Variants in PMFBP1 observed in about 807,000 individuals in gnomAD.
The protein encoded by PMFBP1 is polyamine modulated factor 1 binding protein 1.
PMFBP1 carries 131 observed loss-of-function variants against 137.8 expected under a neutral mutation model. The ratio of observed to expected loss-of-function variants is 0.95; its 90% CI spans 0.82 to 1.10. PMFBP1 has a LOEUF of 1.10. Among genes scored for constraint, PMFBP1 ranks in the 50% least tolerant of loss-of-function variants. The pLI is 0.00. For synonymous variants in PMFBP1, 490 were observed against 450.4 expected (o/e 1.09, Z -1.11); for missense variants, 1,199 against 1,175.4 (o/e 1.02, Z -0.29).
chr16:72,150,864 T>C (rs1462065479), intron 4 of PMFBP1, 35 bp from the exon 5 acceptor site: 3 of 1,566,840 alleles, frequency 1.9e-6, no homozygotes, highest in East Asian at 2.2e-5. Flanking sequence ...ATTGAGCCCA[T>C]GGAAGCACGT....
intron 9 of PMFBP1, 114 bp from the exon 10 acceptor site, chr16:72,133,105 G>T: frequency 1.6e-6 from 2 of 1,268,588 alleles, no homozygotes; most frequent in Non-Finnish European, 2.2e-6. Context: ...CCTGGACATT[G>T]CACGAACCTC....
the PMFBP1 span, chr16:72,224,876 G>T: frequency 6.6e-6 from 1 of 152,108 alleles, no homozygotes; most frequent in African/African-American, 2.4e-5. Context: ...ATATGAACAA[G>T]GCCTTGTTTG....
the PMFBP1 span, among the ~76,000 whole-genome samples, chr16:72,185,738 C>A: frequency 6.6e-6 from 1 of 152,138 alleles, no homozygotes; most frequent in Non-Finnish European, 1.5e-5. Context: ...ATAACTGGCA[C>A]ATAGTGGATG....
the PMFBP1 span, among the ~76,000 whole-genome samples, chr16:72,242,649 G>A: frequency 3.3e-5 from 5 of 152,104 alleles, no homozygotes; most frequent in Admixed American, 1.3e-4. Flanking sequence ...AACTGTTTCC[G>A]AACTAGAACG....
At chr16:72,237,432 T>C in the PMFBP1 span, among the ~76,000 whole-genome samples, 2 of 152,072 alleles carry the variant, frequency 1.3e-5, no homozygotes, top group African/African-American at 4.8e-5. Context: ...TTGTCTCAAA[T>C]AGTCACATTA....
At chr16:72,128,242 C>T (rs982183930) in intron 14 of PMFBP1, 7 of 551,098 alleles carry the variant, frequency 1.3e-5, no homozygotes, top group Admixed American at 4.0e-5. Context: ...ATGTCAGATG[C>T]TATTTACTCC....
chr16:72,194,704 T>G, the PMFBP1 span, among the ~76,000 whole-genome samples: 1 of 152,170 alleles, frequency 6.6e-6, no homozygotes, highest in Non-Finnish European at 1.5e-5. Context: ...GTTCATGCTT[T>G]GGGCAGGATA....
chr16:72,171,170 T>G (rs773616312), intron 2 of PMFBP1, 27 bp downstream of exon 2: 1 of 1,609,214 alleles, frequency 6.2e-7, no homozygotes. Flanking sequence ...TTCAACTCCA[T>G]GCATGTAGAG....
At chr16:72,209,724 C>T in the PMFBP1 span, among the ~76,000 whole-genome samples, 7 of 152,102 alleles carry the variant, frequency 4.6e-5, no homozygotes, top group Non-Finnish European at 8.8e-5. Flanking sequence ...AAATACAAGA[C>T]ATAATATTGA....
At chr16:72,174,873 A>T (rs2043252157), upstream of PMFBP1, among the ~76,000 whole-genome samples, 2 of 152,324 alleles carry the variant, frequency 1.3e-5, no homozygotes, top group East Asian at 1.9e-4. Flanking sequence ...ATTACAATTC[A>T]AGATGACACA....
the PMFBP1 span, among the ~76,000 whole-genome samples, chr16:72,246,834 T>C: frequency 1.3e-5 from 2 of 152,030 alleles, no homozygotes; most frequent in African/African-American, 4.8e-5. Context: ...ACTCTAAATA[T>C]ACAAGGAAGG....
chr16:72,134,663 T>C (rs1314600237), intron 9 of PMFBP1, among the ~76,000 whole-genome samples: 2 of 152,214 alleles, frequency 1.3e-5, no homozygotes, highest in Non-Finnish European at 2.9e-5. Flanking sequence ...GCTGAGCTCC[T>C]GGAACACTCC....
the PMFBP1 span, among the ~76,000 whole-genome samples, chr16:72,222,621 T>C: frequency 6.6e-6 from 1 of 152,070 alleles, no homozygotes; most frequent in African/African-American, 2.4e-5. Flanking sequence ...TATGTAACGG[T>C]GCTGAGGACC....
chr16:72,186,571 C>A, the PMFBP1 span, among the ~76,000 whole-genome samples: 47 of 152,048 alleles, frequency 3.1e-4, no homozygotes, highest in Non-Finnish European at 5.1e-4. Context: ...GGGAGAGACA[C>A]ATCAACAATT....
At chr16:72,158,211 C>T (rs967622494) in intron 3 of PMFBP1, among the ~76,000 whole-genome samples, 8 of 152,076 alleles carry the variant, frequency 5.3e-5, no homozygotes, top group Non-Finnish European at 1.2e-4. Flanking sequence ...AGAAAATGGA[C>T]CCACTATGGT....
At chr16:72,123,038 G>C in intron 18 of PMFBP1, 50 bp from the exon 19 acceptor site, 4 of 1,529,382 alleles carry the variant, frequency 2.6e-6, no homozygotes, top group Non-Finnish European at 3.6e-6. Flanking sequence ...AGCCTCCCGC[G>C]AGCAAGGGTG....
intron 14 of PMFBP1, 194 bp downstream of exon 14, chr16:72,128,462 CA>C (rs2042495013): frequency 1.3e-6 from 2 of 1,529,362 alleles, no homozygotes; most frequent in Non-Finnish European, 1.8e-6. Flanking sequence ...AGACCTTCCA[CA>C]TATGGAAGAA....
chr16:72,175,032 C>T (rs2043253028), upstream of PMFBP1, among the ~76,000 whole-genome samples: 1 of 152,198 alleles, frequency 6.6e-6, no homozygotes, highest in Admixed American at 6.5e-5. Flanking sequence ...CATACACACA[C>T]ACCACATGAG....
the PMFBP1 span, among the ~76,000 whole-genome samples, chr16:72,182,081 A>T: frequency 6.6e-6 from 1 of 152,234 alleles, no homozygotes; most frequent in Non-Finnish European, 1.5e-5. Flanking sequence ...CTGATTAGAC[A>T]AGCTTGGTTT....
Sources: allele counts gnomAD v4.1 joint callset (sites outside exome capture counted in the v4.1 genomes callset), GRCh38; gene constraint gnomAD v4.1.1; transcripts MANE v1.5; gene names NCBI Gene and HGNC (gene_info 2026-07-23, HGNC 2026-07-21).